CDKN2B-AS1: variants seen among roughly 807,000 people sequenced by gnomAD.
CDKN2B-AS1 encodes CDKN2B antisense RNA 1 (non-protein coding).
At chr9:22,058,196 A>G (rs1823653685) in intron 4 of CDKN2B-AS1, among the ~76,000 whole-genome samples, 1 of 152,234 alleles carries the variant, frequency 6.6e-6, no homozygotes, top group Admixed American at 6.5e-5. Context: ...CTCCATCTCA[A>G]AAATGAAACA....
intron 3 of CDKN2B-AS1, among the ~76,000 whole-genome samples, chr9:22,052,233 G>A (rs140107205): frequency 1.5e-3 from 227 of 152,202 alleles, no homozygotes; most frequent in Non-Finnish European, 2.9e-3. Context: ...TGGATGGGGG[G>A]CTTCAATGTC....
chr9:22,122,553 A>G (rs1826123700), intron 4 of CDKN2B-AS1, among the ~76,000 whole-genome samples: 1 of 152,090 alleles, frequency 6.6e-6, no homozygotes, highest in Non-Finnish European at 1.5e-5. Context: ...TTTTTGATCC[A>G]TTTTGCAATG....
At chr9:22,063,606 A>G (rs543347219) in intron 4 of CDKN2B-AS1, among the ~76,000 whole-genome samples, 14 of 152,316 alleles carry the variant, frequency 9.2e-5, no homozygotes, top group African/African-American at 3.1e-4. Context: ...ATCCTGTGTT[A>G]GGAGTTTGCC....
intron 3 of CDKN2B-AS1, among the ~76,000 whole-genome samples, chr9:22,050,715 C>A (rs1372278477): frequency 6.6e-6 from 1 of 152,142 alleles, no homozygotes; most frequent in Admixed American, 6.6e-5. Context: ...CTAATAACCA[C>A]CTCAGGCTTT....
chr9:22,083,246 T>C (rs1824759222), intron 4 of CDKN2B-AS1, among the ~76,000 whole-genome samples: 1 of 152,092 alleles, frequency 6.6e-6, no homozygotes, highest in Admixed American at 6.5e-5. Context: ...AAGCAGGGAT[T>C]TGAATTTAGA....
At chr9:22,042,711 GT>G (rs1394684564) in intron 1 of CDKN2B-AS1, among the ~76,000 whole-genome samples, 1 of 152,038 alleles carries the variant, frequency 6.6e-6, no homozygotes, top group African/African-American at 2.4e-5. Context: ...TTTAAAAATT[GT>G]CCATAATATT....
chr9:22,099,974 A>G (rs895890195), intron 4 of CDKN2B-AS1, among the ~76,000 whole-genome samples: 3 of 152,148 alleles, frequency 2.0e-5, no homozygotes, highest in African/African-American at 7.2e-5. Flanking sequence ...TATTTTGTAC[A>G]TTTGATAGTT....
chr9:22,093,160 C>T (rs868270674), intron 4 of CDKN2B-AS1, among the ~76,000 whole-genome samples: 3 of 148,498 alleles, frequency 2.0e-5, no homozygotes, highest in African/African-American at 5.0e-5. Context: ...ATCTTGAGTT[C>T]TAGTTTGCAC....
intron 4 of CDKN2B-AS1, among the ~76,000 whole-genome samples, chr9:22,086,788 G>T (rs1044956713): frequency 5.6e-4 from 85 of 151,994 alleles, no homozygotes; most frequent in African/African-American, 2.0e-3. Flanking sequence ...ATTTTATCTG[G>T]AATCTTAATA....
At chr9:22,103,081 G>A (rs1209814873) in intron 4 of CDKN2B-AS1, among the ~76,000 whole-genome samples, 1 of 151,422 alleles carries the variant, frequency 6.6e-6, no homozygotes, top group Non-Finnish European at 1.5e-5. Flanking sequence ...TCTTACTAGT[G>A]ACTATTCACA....
chr9:22,066,198 T>C (rs1201578492), intron 4 of CDKN2B-AS1: 1 of 137,218 alleles, frequency 7.3e-6, no homozygotes, highest in Non-Finnish European at 1.5e-5. Flanking sequence ...AAACATTAGA[T>C]TTTTAAAAAT....
At chr9:22,060,979 G>T (rs1035541466) in intron 4 of CDKN2B-AS1, among the ~76,000 whole-genome samples, 2 of 152,178 alleles carry the variant, frequency 1.3e-5, no homozygotes, top group African/African-American at 4.8e-5. Context: ...TACAATTCAA[G>T]TTGAGATTTG....
chr9:22,004,283 T>C, intron 1 of CDKN2B-AS1: 1 of 232,526 alleles, frequency 4.3e-6, no homozygotes, highest in Non-Finnish European at 8.5e-6. Flanking sequence ...ATGTACTCCT[T>C]CTTATAAGTC....
intron 4 of CDKN2B-AS1, among the ~76,000 whole-genome samples, chr9:22,087,672 T>C (rs1824911514): frequency 6.6e-6 from 1 of 152,260 alleles, no homozygotes; most frequent in Non-Finnish European, 1.5e-5. Flanking sequence ...GATGTTTTCC[T>C]AATTTCTGTC....
Position 22,008,771 on chromosome 9 carries a change from C to T in CDKN2B-AS1, n.29+13610C>T, listed in dbSNP as rs754893158. The T allele has an allele frequency of 6.2e-6, 10 of 1,608,790 alleles. No individual in the cohort carries two copies. In the Admixed American group the frequency reaches 1.7e-4, roughly 27 times the overall value. ...GCGCCCCGCGTTCGCGCGCCCCCTG[C>T]CGGCGAGGCCCTGGGGCCCCAGCTA... On this transcript the variant is annotated intron_variant and non_coding_transcript_variant, in intron 1 of 4. Transcript: ENST00000650946.
chr9:22,110,667 T>G (rs927667334), intron 4 of CDKN2B-AS1, among the ~76,000 whole-genome samples: 1 of 152,138 alleles, frequency 6.6e-6, no homozygotes, highest in African/African-American at 2.4e-5. Context: ...GCGTAAACCA[T>G]GTATCTAGAG....
At chr9:22,009,144 T>C in intron 1 of CDKN2B-AS1, 1 of 751,194 alleles carries the variant, frequency 1.3e-6, no homozygotes, top group South Asian at 1.8e-5. Context: ...CGGCCGGTCG[T>C]TAGCTCCGGG....
intron 4 of CDKN2B-AS1, chr9:22,097,386 A>T (rs1825320387): frequency 6.6e-6 from 1 of 152,224 alleles, no homozygotes; most frequent in Non-Finnish European, 1.5e-5. Context: ...TATCAGAAAA[A>T]GGGAAAGAGG....
At chr9:22,040,547 A>G (rs956693232) in intron 1 of CDKN2B-AS1, among the ~76,000 whole-genome samples, 8 of 151,974 alleles carry the variant, frequency 5.3e-5, no homozygotes, top group African/African-American at 1.9e-4. Flanking sequence ...TATGAAGCCA[A>G]GCAGCTGTGC....
Sources: allele counts gnomAD v4.1 joint callset (sites outside exome capture counted in the v4.1 genomes callset), GRCh38; gene constraint gnomAD v4.1.1; transcripts MANE v1.5; gene names NCBI Gene and HGNC (gene_info 2026-07-23, HGNC 2026-07-21).